The following FMN1 variants were observed in gnomAD, a reference collection of about 807,000 sequenced individuals.
The protein encoded by FMN1 is formin-1.
FMN1 carries 110 observed loss-of-function variants against 132.4 expected under a neutral mutation model. That is an observed-to-expected ratio of 0.83 (90% CI 0.71 to 0.97). FMN1 has a LOEUF of 0.97. Ranked by LOEUF, FMN1 falls within the 50% of genes least tolerant of loss-of-function variation. FMN1 has a pLI of 0.00. For synonymous variants in FMN1, 722 were observed against 651.7 expected, an observed-to-expected ratio of 1.11 and a Z score of -1.64; for missense variants, 1,792 against 1,705.3, an observed-to-expected ratio of 1.05 and a Z score of -0.90.
chr15:33,049,506 A>G (rs538321798), intron 6 of FMN1, among the ~76,000 whole-genome samples: 17 of 152,244 alleles, frequency 1.1e-4, no homozygotes, highest in Admixed American at 1.3e-4. Context: ...TTAGTAATTT[A>G]TGATGGTGAT....
At chr15:32,951,382 C>A (rs2061649073) in intron 9 of FMN1, among the ~76,000 whole-genome samples, 1 of 151,994 alleles carries the variant, frequency 6.6e-6, no homozygotes, top group Non-Finnish European at 1.5e-5. Flanking sequence ...GAGAATCTGG[C>A]TAAAATTCAT....
At chr15:33,006,893 G>A (rs1009578083) in intron 7 of FMN1, among the ~76,000 whole-genome samples, 1 of 152,046 alleles carries the variant, frequency 6.6e-6, no homozygotes, top group African/African-American at 2.4e-5. Context: ...GGGCAGAGAG[G>A]GGTGAAAAGT....
chr15:32,824,808 G>A (rs1433954828), intron 17 of FMN1, among the ~76,000 whole-genome samples: 1 of 152,222 alleles, frequency 6.6e-6, no homozygotes. Context: ...TTCTGCCGAT[G>A]AATCTCAAAT....
At chr15:32,974,471 A>G (rs900810424) in intron 7 of FMN1, among the ~76,000 whole-genome samples, 3 of 152,194 alleles carry the variant, frequency 2.0e-5, no homozygotes, top group Non-Finnish European at 4.4e-5. Flanking sequence ...GACAATGCCA[A>G]TTAAACCATC....
At chr15:32,874,930 G>A (rs1271377073) in intron 16 of FMN1, among the ~76,000 whole-genome samples, 3 of 152,068 alleles carry the variant, frequency 2.0e-5, no homozygotes, top group Admixed American at 6.5e-5. Flanking sequence ...AACCAAATTA[G>A]CACTGTTAGT....
intron 8 of FMN1, among the ~76,000 whole-genome samples, chr15:32,965,034 C>A (rs2031065169): frequency 6.6e-6 from 1 of 152,194 alleles, no homozygotes. Flanking sequence ...CCAGTGGTCA[C>A]TCCTCAGGGT....
At chr15:32,843,952 C>T (rs1368735776) in intron 17 of FMN1, among the ~76,000 whole-genome samples, 1 of 152,140 alleles carries the variant, frequency 6.6e-6, no homozygotes, top group Non-Finnish European at 1.5e-5. Context: ...TACTCAAATA[C>T]ACATTTTTAA....
chr15:32,848,359 TGTG>T (rs1485155181), intron 17 of FMN1, among the ~76,000 whole-genome samples: 3 of 10,558 alleles, frequency 2.8e-4, no homozygotes, highest in Non-Finnish European at 1.1e-3. Context: ...TGCACACGTG[TGTG>T]TGTATTAGAC....
At chr15:32,876,654 AAC>A (rs1252801778) in intron 16 of FMN1, among the ~76,000 whole-genome samples, 1 of 152,368 alleles carries the variant, frequency 6.6e-6, no homozygotes, top group East Asian at 1.9e-4. Flanking sequence ...AAGTGTGGGA[AAC>A]ACAGTTTTAA....
chr15:32,973,744 T>G (rs2031983588), intron 7 of FMN1, among the ~76,000 whole-genome samples: 1 of 152,156 alleles, frequency 6.6e-6, no homozygotes, highest in Non-Finnish European at 1.5e-5. Flanking sequence ...TCATACCAAT[T>G]ATTTCAAATT....
intron 3 of FMN1, among the ~76,000 whole-genome samples, chr15:33,158,561 G>A (rs1470040960): frequency 6.6e-6 from 1 of 152,148 alleles, no homozygotes; most frequent in African/African-American, 2.4e-5. Context: ...AACAGAGGAA[G>A]AAAAAAGAAA....
chr15:32,781,468 A>C (rs1340638425), intron 19 of FMN1, among the ~76,000 whole-genome samples: 1 of 152,086 alleles, frequency 6.6e-6, no homozygotes, highest in Non-Finnish European at 1.5e-5. Flanking sequence ...CTACTGTTGC[A>C]GTGGGAAAGC....
chr15:32,926,169 C>T lies in FMN1; in HGVS notation c.3226+5G>A. ...AGTAAAACAAAAGTGATAGAAAAGA[C>T]TTACCCTGTTGGATATCCTTCATTT... On this transcript the variant is annotated splice_donor_5th_base_variant and intron_variant, in intron 10 of 20. Transcript: ENST00000616417. 1 of 1,422,268 alleles carries T rather than the reference C, an allele frequency of 7.0e-7. No individual in the cohort carries two copies. Among genetic ancestry groups the T allele is most frequent in the Non-Finnish European group, 9.7e-7 (1 of 1,033,382 alleles). 88.1% of individuals were successfully genotyped at this position (1,422,268 alleles called of 1,614,324 possible). A position where few individuals can be genotyped will look rare whatever the true frequency, so the allele number is the denominator to read the frequency against.
At chr15:32,856,803 A>T (rs529204388) in intron 17 of FMN1, among the ~76,000 whole-genome samples, 1 of 152,318 alleles carries the variant, frequency 6.6e-6, no homozygotes, top group East Asian at 1.9e-4. Context: ...AAGAATTTAA[A>T]ATATTAAACT....
intron 10 of FMN1, among the ~76,000 whole-genome samples, chr15:32,918,357 G>A (rs2060735891): frequency 6.6e-6 from 1 of 152,118 alleles, no homozygotes; most frequent in African/African-American, 2.4e-5. Context: ...TATCTAAATT[G>A]CTAAATGCCT....
chr15:32,797,772 TC>T (rs996957313), intron 19 of FMN1, among the ~76,000 whole-genome samples: 1 of 152,144 alleles, frequency 6.6e-6, no homozygotes, highest in Non-Finnish European at 1.5e-5. Flanking sequence ...TAATACTAGG[TC>T]AAAAATCTCA....
chr15:33,138,036 AT>A (rs1427750658), intron 4 of FMN1, among the ~76,000 whole-genome samples: 1 of 152,138 alleles, frequency 6.6e-6, no homozygotes, highest in African/African-American at 2.4e-5. Flanking sequence ...TCAATACAAT[AT>A]TTGTCAACTG....
rs1225252282 is a variant in FMN1 at position 33,109,774 on chromosome 15, AC to A, written c.1868-20801del. On this transcript the variant is annotated intron_variant, in intron 4 of 20. Transcript: ENST00000616417. ...GGGTGATGAAATAATATGTACAACA[AC>A]CCCCCATGACACGTTTACCTATGTA... Among the ~76,000 whole-genome samples the A allele has an allele frequency of 8.6e-5, 13 of 151,364 alleles. No homozygotes were observed. The South Asian group carries it at 2.7e-3, about 32-fold the overall frequency.
At chr15:33,013,611 TTC>T (rs1467370979) in intron 6 of FMN1, among the ~76,000 whole-genome samples, 8 of 152,232 alleles carry the variant, frequency 5.3e-5, no homozygotes, top group African/African-American at 1.9e-4. Context: ...GAAAAAATAC[TTC>T]TCTTTTGAAA....
Sources: allele counts gnomAD v4.1 joint callset (sites outside exome capture counted in the v4.1 genomes callset), GRCh38; gene constraint gnomAD v4.1.1; transcripts MANE v1.5; gene names NCBI Gene and HGNC (gene_info 2026-07-23, HGNC 2026-07-21).